FOXRED1: variants seen among roughly 807,000 people sequenced by gnomAD.
The protein encoded by FOXRED1 is FAD dependent oxidoreductase domain containing 1, also known as FAD-dependent oxidoreductase domain-containing protein 1.
A neutral mutation model predicts 57.8 loss-of-function variants in FOXRED1; 52 were observed. That is an observed-to-expected ratio of 0.90 (90% CI 0.72 to 1.13). FOXRED1 has a LOEUF of 1.13. Ranked by LOEUF, FOXRED1 falls within the 50% of genes most tolerant of loss-of-function variation. The probability of loss-of-function intolerance (pLI) is 0.00; values close to 1 mark genes in which losing one functional copy is unlikely to be tolerated. For missense variants in FOXRED1, 589 were observed against 625.2 expected, an observed-to-expected ratio of 0.94 and a Z score of 0.62; for synonymous variants, 271 against 248.3, an observed-to-expected ratio of 1.09 and a Z score of -0.86.
chr11:126,269,806 G>A (rs915932792), intron 1 of FOXRED1, among the ~76,000 whole-genome samples: 2 of 151,908 alleles, frequency 1.3e-5, no homozygotes, highest in Non-Finnish European at 2.9e-5. Flanking sequence ...GACCAACATG[G>A]TGAAACACCG....
rs1211032045 is a variant in FOXRED1 at position 126,271,298 on chromosome 11, G to A, written c.86-139G>A. 2.0e-5 allele frequency: 14 copies of A among 715,122 alleles called. No homozygotes were observed. Among genetic ancestry groups the A allele is most frequent in the African/African-American group, 1.7e-4 (10 of 57,768 alleles). The allele number at this position is 715,122 out of a possible 1,614,324, so 44.3% of individuals were successfully genotyped here. A position where few individuals can be genotyped will look rare whatever the true frequency, so the allele number is the denominator to read the frequency against. ...GTGGCAACACTGTTGGGTGCAAGGT[G>A]ACCTTATGAGATGGGCTGACAGTGG... is the stretch of plus-strand genomic sequence containing the variant. On this transcript the variant is annotated intron_variant, in intron 1 of 10. Coordinates refer to ENST00000263578, the MANE Select transcript of FOXRED1 (RefSeq NM_017547.4). This position sits in a 1 kb window ranked among gnomAD's most constrained non-coding sequence, Gnocchi z 5.3.
In FOXRED1 at chr11:126,271,817, A is replaced by G; in HGVS notation, c.306+160A>G. 1 of 686,318 alleles carries G rather than the reference A, an allele frequency of 1.5e-6. No homozygotes were observed. Among genetic ancestry groups the G allele is most frequent in the South Asian group, 1.6e-5 (1 of 64,198 alleles). 42.5% of individuals were successfully genotyped at this position (686,318 alleles called of 1,614,324 possible). On this transcript the variant is annotated intron_variant, in intron 2 of 10. Transcript: ENST00000263578. The surrounding 1 kb of genome is among the most constrained non-coding windows in gnomAD (Gnocchi z 5.3). ...TTGGACTTTGTTGAGAAATTTTCCT[A>G]GGATCTTCCTCAGTCGAACCAGGAA...
chr11:126,274,825 G>A lies in FOXRED1; in HGVS notation c.537-102G>A. 1 of 795,716 alleles carries A rather than the reference G, an allele frequency of 1.3e-6. No individual in the cohort carries two copies. The highest frequency in any genetic ancestry group is 2.3e-6 in the Non-Finnish European group (1 of 434,742). The allele number at this position is 795,716 out of a possible 1,614,324, so 49.3% of individuals were successfully genotyped here. On this transcript the variant is annotated intron_variant, in intron 4 of 10. Coordinates refer to ENST00000263578, the MANE Select transcript of FOXRED1 (RefSeq NM_017547.4). The surrounding 1 kb of genome is among the most constrained non-coding windows in gnomAD (Gnocchi z 4.8). ...GGCATTTGGGGCAGAGAAGTGACAT[G>A]ACTGAGCTGGACTCCCCACTTGTGG...
Position 126,275,942 on chromosome 11 carries a change from G to T in FOXRED1, c.810+72G>T. Reference sequence around the variant, plus strand: ...GAAGGTAGTGACTCTCCTTGTTTTGGTTTTCTTTGACCCACTTTCCAGTAT... The same window carrying T: ...GAAGGTAGTGACTCTCCTTGTTTTGTTTTTCTTTGACCCACTTTCCAGTAT... On this transcript the variant is annotated intron_variant, in intron 7 of 10. Transcript: ENST00000263578. This position sits in a 1 kb window ranked among gnomAD's most constrained non-coding sequence, Gnocchi z 5.9. 6.4e-7 allele frequency: 1 copy of T among 1,567,318 alleles called. No individual in the cohort carries two copies. The highest frequency in any genetic ancestry group is 8.8e-7 in the Non-Finnish European group (1 of 1,137,898).
In FOXRED1 at chr11:126,275,486, C is replaced by CT. The variant is rs1951104312; in HGVS notation, c.733+60dup. The stretch of plus-strand genomic sequence containing the variant: ...GGCATAGGCCTAGACTAGGTCTTAT[C>CT]TTCTCACTCACAAGCTAAGCAAGGG... On this transcript the variant is annotated intron_variant, in intron 6 of 10. Transcript: ENST00000263578. This position sits in a 1 kb window ranked among gnomAD's most constrained non-coding sequence, Gnocchi z 5.9. 8.1e-7 allele frequency: 1 copy of CT among 1,228,528 alleles called. No homozygotes were observed. The highest frequency in any genetic ancestry group is 1.2e-6 in the Non-Finnish European group (1 of 828,336). 76.1% of individuals were successfully genotyped at this position (1,228,528 alleles called of 1,614,324 possible). A position where few individuals can be genotyped will look rare whatever the true frequency, so the allele number is the denominator to read the frequency against.
In FOXRED1 at chr11:126,271,414, C is replaced by G; in HGVS notation, c.86-23C>G. ...ATGTGGGAAGGAAATGTTTGGCCCTCTGACCCTAACTACATCCCACAGACT... is the reference window on the plus strand; with the variant it reads ...ATGTGGGAAGGAAATGTTTGGCCCTGTGACCCTAACTACATCCCACAGACT... On this transcript the variant is annotated intron_variant, in intron 1 of 10. Transcript: ENST00000263578. The surrounding 1 kb of genome is among the most constrained non-coding windows in gnomAD (Gnocchi z 5.3). 1 of 1,576,056 alleles carries G rather than the reference C, an allele frequency of 6.3e-7. No individual in the cohort carries two copies. Among genetic ancestry groups the G allele is most frequent in the Non-Finnish European group, 8.7e-7 (1 of 1,145,350 alleles).
chr11:126,277,909 G>A lies in FOXRED1; in HGVS notation c.*220G>A. The stretch of plus-strand genomic sequence containing the variant: ...AGCGGGATCCTAGGACTGATCTGTA[G>A]CCCATGCTGATGTCACCCACCAGGG... On this transcript the variant is annotated 3_prime_UTR_variant, in exon 11 of 11. Transcript: ENST00000263578. The surrounding 1 kb of genome is among the most constrained non-coding windows in gnomAD (Gnocchi z 6.8). 1 of 682,418 alleles carries A rather than the reference G, an allele frequency of 1.5e-6. No individual in the cohort carries two copies. The highest frequency in any genetic ancestry group is 1.5e-5 in the South Asian group (1 of 66,218). The allele number at this position is 682,418 out of a possible 1,614,324, so 42.3% of individuals were successfully genotyped here. A position where few individuals can be genotyped will look rare whatever the true frequency, so the allele number is the denominator to read the frequency against.
Position 126,278,036 on chromosome 11 carries a change from C to T in FOXRED1, c.*347C>T, listed in dbSNP as rs1355595776. ...ACCCTCTTAGCAGACAGAGCCCAGG[C>T]ATGGGAGCACTCTGGGGCAGCCTGG... On this transcript the variant is annotated 3_prime_UTR_variant, in exon 11 of 11. Coordinates refer to ENST00000263578, the MANE Select transcript of FOXRED1 (RefSeq NM_017547.4). This position sits in a 1 kb window ranked among gnomAD's most constrained non-coding sequence, Gnocchi z 4.8. 2 of 531,502 alleles carry T rather than the reference C, an allele frequency of 3.8e-6. No homozygotes were observed. Among genetic ancestry groups the T allele is most frequent in the Admixed American group, 4.5e-5 (2 of 44,772 alleles). The allele number at this position is 531,502 out of a possible 1,614,324, so 32.9% of individuals were successfully genotyped here.
Position 126,272,499 on chromosome 11 carries a change from C to A in FOXRED1, c.307-470C>A. The A allele has an allele frequency of 4.2e-6, 1 of 240,052 alleles. No homozygotes were observed. Among genetic ancestry groups the A allele is most frequent in the African/African-American group, 2.3e-5 (1 of 43,940 alleles). 14.9% of individuals were successfully genotyped at this position (240,052 alleles called of 1,614,324 possible). A position where few individuals can be genotyped will look rare whatever the true frequency, so the allele number is the denominator to read the frequency against. On this transcript the variant is annotated intron_variant, in intron 2 of 10. Coordinates refer to ENST00000263578, the MANE Select transcript of FOXRED1 (RefSeq NM_017547.4). The surrounding 1 kb of genome is among the most constrained non-coding windows in gnomAD (Gnocchi z 4.6). ...GTAGAAATGGGGTTTTGCCACGTTG[C>A]CCAGCTGGTCTCAGATTCCTGAACT...
At position 126,273,561 on chromosome 11, in the gene FOXRED1, C is replaced by A; in HGVS notation, c.536+107C>A. On this transcript the variant is annotated intron_variant, in intron 4 of 10. Transcript: ENST00000263578. This position sits in a 1 kb window ranked among gnomAD's most constrained non-coding sequence, Gnocchi z 5.9. Reference sequence around the variant, plus strand: ...GTGGAGTTGATAAGACAGATCCCTGCGGTCTAGGACCTCAGTGTGTCAGGA... The same window carrying A: ...GTGGAGTTGATAAGACAGATCCCTGAGGTCTAGGACCTCAGTGTGTCAGGA... The A allele has an allele frequency of 1.3e-6, 1 of 787,242 alleles. No homozygotes were observed. Among genetic ancestry groups the A allele is most frequent in the Non-Finnish European group, 2.3e-6 (1 of 439,074 alleles). The allele number at this position is 787,242 out of a possible 1,614,324, so 48.8% of individuals were successfully genotyped here.
In FOXRED1 at chr11:126,273,556, C is replaced by A; in HGVS notation, c.536+102C>A. ...AGAAAGTGGAGTTGATAAGACAGATCCCTGCGGTCTAGGACCTCAGTGTGT... is the reference window on the plus strand; with the variant it reads ...AGAAAGTGGAGTTGATAAGACAGATACCTGCGGTCTAGGACCTCAGTGTGT... On this transcript the variant is annotated intron_variant, in intron 4 of 10. Transcript: ENST00000263578. This position sits in a 1 kb window ranked among gnomAD's most constrained non-coding sequence, Gnocchi z 5.9. 2.4e-6 allele frequency: 2 copies of A among 818,522 alleles called. No homozygotes were observed. The highest frequency in any genetic ancestry group is 4.3e-6 in the Non-Finnish European group (2 of 464,544). The allele number at this position is 818,522 out of a possible 1,614,324, so 50.7% of individuals were successfully genotyped here. A position where few individuals can be genotyped will look rare whatever the true frequency, so the allele number is the denominator to read the frequency against.
At position 126,274,992 on chromosome 11, in the gene FOXRED1, A is replaced by G; in HGVS notation, c.602A>G (p.Asn201Ser). The G allele has an allele frequency of 6.2e-7, 1 of 1,613,574 alleles. No homozygotes were observed. Among genetic ancestry groups the G allele is most frequent in the Non-Finnish European group, 8.5e-7 (1 of 1,179,526 alleles). ...DQLRNKFPWI[N>S]TEGVALASYG... ...CTTCGGAACAAGTTTCCCTGGATAA[A>G]CACAGAGGGAGTGGCTTTGGCGTCT... Residue 201 changes from asparagine to serine, a missense_variant, in exon 5 of 11, where the codon AAC becomes AGC. Physicochemically the swap from Asn to Ser is conservative, Grantham distance 46 (BLOSUM62 1). Transcript: ENST00000263578. The surrounding 1 kb of genome is among the most constrained non-coding windows in gnomAD (Gnocchi z 4.8).
Position 126,275,551 on chromosome 11 carries a change from GCATCTTGA to G in FOXRED1, c.733+125_733+132del. 7.6e-6 allele frequency: 6 copies of G among 788,372 alleles called. No homozygotes were observed. The highest frequency in any genetic ancestry group is 5.9e-5 in the Admixed American group (3 of 50,608). The allele number at this position is 788,372 out of a possible 1,614,324, so 48.8% of individuals were successfully genotyped here. On this transcript the variant is annotated intron_variant, in intron 6 of 10. Coordinates refer to ENST00000263578, the MANE Select transcript of FOXRED1 (RefSeq NM_017547.4). The surrounding 1 kb of genome is among the most constrained non-coding windows in gnomAD (Gnocchi z 5.9). ...GGGTCTCCCTGAGAGCAGGTCCTAG[GCATCTTGA>G]CCTGGGCTCCTCACTGATCTGCGTT...
rs2135259113 is a variant in FOXRED1, at chr11:126,272,792, A to G, written c.307-177A>G. On this transcript the variant is annotated intron_variant, in intron 2 of 10. Transcript: ENST00000263578. This position sits in a 1 kb window ranked among gnomAD's most constrained non-coding sequence, Gnocchi z 4.6. ...ACCCTCTCTGCTCTGCACATCCACT[A>G]CTAATGATTTTAAACACCATTGCCT... The G allele has an allele frequency of 1.5e-6, 1 of 669,706 alleles. No homozygotes were observed. The highest frequency in any genetic ancestry group is 2.7e-6 in the Non-Finnish European group (1 of 368,150). 41.5% of individuals were successfully genotyped at this position (669,706 alleles called of 1,614,324 possible).
chr11:126,275,484 A>G lies in FOXRED1; in HGVS notation c.733+56A>G, dbSNP rs1332107581. ...GGGGCATAGGCCTAGACTAGGTCTT[A>G]TCTTCTCACTCACAAGCTAAGCAAG... is the stretch of plus-strand genomic sequence containing the variant. On this transcript the variant is annotated intron_variant, in intron 6 of 10. Coordinates refer to ENST00000263578, the MANE Select transcript of FOXRED1 (RefSeq NM_017547.4). The surrounding 1 kb of genome is among the most constrained non-coding windows in gnomAD (Gnocchi z 5.9). The G allele has an allele frequency of 5.7e-6, 7 of 1,226,962 alleles. No homozygotes were observed. The highest frequency in any genetic ancestry group is 1.2e-5 in the South Asian group (1 of 83,380). 76.0% of individuals were successfully genotyped at this position (1,226,962 alleles called of 1,614,324 possible).
intron 1 of FOXRED1, among the ~76,000 whole-genome samples, chr11:126,270,074 G>A (rs1950938751): frequency 6.6e-6 from 1 of 151,986 alleles, no homozygotes; most frequent in Non-Finnish European, 1.5e-5. Context: ...AGTACATGGA[G>A]CAGGTGGGAA....
rs894760353 is a variant in FOXRED1 at position 126,275,306 on chromosome 11, G to A, written c.632-21G>A. 1.3e-6 allele frequency: 2 copies of A among 1,548,134 alleles called. No homozygotes were observed. The highest frequency in any genetic ancestry group is 2.2e-5 in the South Asian group (2 of 89,834). Reference sequence around the variant, plus strand: ...CAGAAGTCCTCATCCCTCTTTGTGAGTTCTCTTTTTCTTATCACAGGGATG... The same window carrying A: ...CAGAAGTCCTCATCCCTCTTTGTGAATTCTCTTTTTCTTATCACAGGGATG... On this transcript the variant is annotated intron_variant, in intron 5 of 10. Coordinates refer to ENST00000263578, the MANE Select transcript of FOXRED1 (RefSeq NM_017547.4). The surrounding 1 kb of genome is among the most constrained non-coding windows in gnomAD (Gnocchi z 5.9).
chr11:126,269,416 G>C, intron 1 of FOXRED1, 125 bp downstream of exon 1: 1 of 1,570,462 alleles, frequency 6.4e-7, no homozygotes, highest in Non-Finnish European at 8.6e-7. Context: ...GGGGAAGGGG[G>C]TTAGCTTACC....
At position 126,271,261 on chromosome 11, in the gene FOXRED1, A is replaced by C; in HGVS notation, c.86-176A>C. ...TGAAGAGACTGATGGCATGTGGACTATTCAGAAAACTGTGGCAACACTGTT... is the reference window on the plus strand; with the variant it reads ...TGAAGAGACTGATGGCATGTGGACTCTTCAGAAAACTGTGGCAACACTGTT... On this transcript the variant is annotated intron_variant, in intron 1 of 10. Transcript: ENST00000263578. The surrounding 1 kb of genome is among the most constrained non-coding windows in gnomAD (Gnocchi z 5.3). 2 of 662,970 alleles carry C rather than the reference A, an allele frequency of 3.0e-6. No homozygotes were observed. Among genetic ancestry groups the C allele is most frequent in the Admixed American group, 2.1e-5 (1 of 47,658 alleles). 41.1% of individuals were successfully genotyped at this position (662,970 alleles called of 1,614,324 possible). A position where few individuals can be genotyped will look rare whatever the true frequency, so the allele number is the denominator to read the frequency against.
Sources: gnomAD v4.1 joint callset for allele counts (sites outside exome capture counted in the v4.1 genomes callset) on GRCh38, gnomAD v4.1.1 for gene constraint, Gnocchi (gnomAD v3.1) non-coding constraint, MANE v1.5 for transcripts, NCBI Gene and HGNC (gene_info 2026-07-23, HGNC 2026-07-21) for gene names.